SPTA1: variants seen among roughly 807,000 people sequenced by gnomAD.
SPTA1 encodes spectrin alpha chain, erythrocytic 1.
In SPTA1, 177 loss-of-function variants were observed where a neutral mutation model predicts 324.7. The observed-to-expected ratio is 0.55, with a 90% CI of 0.48 to 0.62. SPTA1 has a LOEUF of 0.62. Among genes scored for constraint, SPTA1 ranks in the 20% least tolerant of loss-of-function variants. The pLI is 0.00. For missense variants in SPTA1, 3,162 were observed against 2,883.6 expected, an observed-to-expected ratio of 1.10 and a Z score of -2.21; for synonymous variants, 1,195 against 1,041.3, an observed-to-expected ratio of 1.15 and a Z score of -2.84.
At chr1:158,671,597 T>C (rs1354161235) in intron 11 of SPTA1, 144 bp from the exon 12 acceptor site, 11 of 708,996 alleles carry the variant, frequency 1.6e-5, no homozygotes, top group Non-Finnish European at 2.5e-5. Flanking sequence ...AAATTAACTT[T>C]AAACAGCAGG....
chr1:158,655,320 T>C lies in SPTA1; in HGVS notation c.2899-572A>G, dbSNP rs145652762. ...TCATTAAAAGTATCTTGTGTCTCAGTTTAGTAAGCAGCCTGCATTCTAAGG... is the reference window on the plus strand; with the variant it reads ...TCATTAAAAGTATCTTGTGTCTCAGCTTAGTAAGCAGCCTGCATTCTAAGG... On this transcript the variant is annotated intron_variant, in intron 20 of 51. Transcript: ENST00000643759. 6.7e-3 allele frequency among the ~76,000 whole-genome samples: 929 copies of C among 138,898 alleles called. 13 individuals are homozygous for C. The highest frequency in any genetic ancestry group is 0.031 in the African/African-American group (897 of 29,034). 91.1% of individuals were successfully genotyped at this position (138,898 alleles called of 152,430 possible).
chr1:158,653,373 T>C lies in SPTA1; in HGVS notation c.3089A>G (p.Tyr1030Cys). The C allele has an allele frequency of 6.2e-7, 1 of 1,614,134 alleles. No homozygotes were observed. The highest frequency in any genetic ancestry group is 8.5e-7 in the Non-Finnish European group (1 of 1,180,024). ...ADHQGIVPAV[Y>C]VRRLAHDEFP... ...CTCATCGTGGGCCAGTCTTCTGACA[T>C]AGACAGCTGGGACAATGCCCTGATG... Residue 1030 changes from tyrosine (Y) to cysteine (C), a missense_variant, in exon 22 of 52, where the codon TAT becomes TGT. Tyr to Cys is a radical substitution (Grantham distance 194, BLOSUM62 -2). Coordinates refer to ENST00000643759, the MANE Select transcript of SPTA1 (RefSeq NM_003126.4).
chr1:158,644,711 A>G lies in SPTA1; in HGVS notation c.4195-315T>C, dbSNP rs540264558. On this transcript the variant is annotated intron_variant, in intron 29 of 51. Transcript: ENST00000643759. ...CTTCAGGGTAGCCTGTGACACAACC[A>G]CTTACTTCCCCCAAAAGCTTTAATC... Among the ~76,000 whole-genome samples, 61 of 152,282 alleles carry G rather than the reference A, an allele frequency of 4.0e-4. No individual in the cohort carries two copies. The East Asian group carries it at 0.012, about 29-fold the overall frequency.
intron 50 of SPTA1, 43 bp from the exon 51 acceptor site, chr1:158,613,004 A>G: frequency 6.2e-7 from 1 of 1,607,368 alleles, no homozygotes; most frequent in Admixed American, 1.7e-5. Context: ...CTCAAGGCAG[A>G]GAAGGAAGTC....
intron 7 of SPTA1, 25 bp downstream of exon 7, chr1:158,677,665 A>G (rs1172364055): frequency 1.2e-6 from 2 of 1,612,530 alleles, no homozygotes. Flanking sequence ...TCAACGGGTT[A>G]GCCATTTCTC....
chr1:158,683,271 G>A (rs1171344187), intron 3 of SPTA1, 100 bp downstream of exon 3: 3 of 1,558,828 alleles, frequency 1.9e-6, no homozygotes, highest in African/African-American at 2.7e-5. Flanking sequence ...GGAGTCCTGG[G>A]TATAAGCCAG....
Position 158,627,701 on chromosome 1 carries a change from G to T in SPTA1, c.5588C>A (p.Ala1863Asp), listed in dbSNP as rs574362588. The T allele has an allele frequency of 8.7e-6, 14 of 1,612,796 alleles. No individual in the cohort carries two copies. In the South Asian group the frequency reaches 1.2e-4, roughly 14 times the overall value. ...ATQSLLMKHE[A>D]LENDFAVHET... ...ATGGACAGCAAAGTCATTTTCCAAA[G>T]CTTCATGCTTCATTAGCAAGCTCTG... The change falls in exon 40 of 52, where the codon GCT becomes GAT. Residue 1863 changes from alanine to aspartate, a missense_variant. Coordinates refer to ENST00000643759, the MANE Select transcript of SPTA1 (RefSeq NM_003126.4).
chr1:158,641,559 A>G (rs1366070443), intron 33 of SPTA1, among the ~76,000 whole-genome samples: 1 of 152,268 alleles, frequency 6.6e-6, no homozygotes, highest in Non-Finnish European at 1.5e-5. Flanking sequence ...ACATGAAAAA[A>G]TGCTCATCAT....
At chr1:158,626,023 A>G in intron 42 of SPTA1, 123 bp downstream of exon 42, 1 of 757,386 alleles carries the variant, frequency 1.3e-6, no homozygotes, top group Non-Finnish European at 2.2e-6. Flanking sequence ...ATTAATATTA[A>G]GAAGGGAAAA....
chr1:158,639,450 A>C (rs911758784), intron 35 of SPTA1, 132 bp downstream of exon 35: 2 of 880,630 alleles, frequency 2.3e-6, no homozygotes, highest in African/African-American at 3.3e-5. Flanking sequence ...CCTAATTAAA[A>C]TGACTGCTGG....
rs2101739988 is a variant in SPTA1 at position 158,610,944 on chromosome 1, C to T, written c.*320G>A. 1.6e-5 allele frequency: 4 copies of T among 252,838 alleles called. No homozygotes were observed. The highest frequency in any genetic ancestry group is 1.4e-3 in the Middle Eastern group (1 of 700). 15.7% of individuals were successfully genotyped at this position (252,838 alleles called of 1,614,324 possible). On this transcript the variant is annotated 3_prime_UTR_variant, in exon 52 of 52. Coordinates refer to ENST00000643759, the MANE Select transcript of SPTA1 (RefSeq NM_003126.4). ...AAAAAGAATTACTTTATTCTATAATCGGAATAAAGCAAAATGATAAAGACG... is the reference window on the plus strand; with the variant it reads ...AAAAAGAATTACTTTATTCTATAATTGGAATAAAGCAAAATGATAAAGACG...
intron 33 of SPTA1, among the ~76,000 whole-genome samples, chr1:158,640,333 G>A (rs995182328): frequency 6.6e-6 from 1 of 152,148 alleles, no homozygotes; most frequent in Non-Finnish European, 1.5e-5. Flanking sequence ...AGTGTTCCAG[G>A]TACTGAGTAT....
chr1:158,667,847 CT>C lies in SPTA1; in HGVS notation c.2038+10del, dbSNP rs1279726129. 6.2e-7 allele frequency: 1 copy of C among 1,613,372 alleles called. No homozygotes were observed. The highest frequency in any genetic ancestry group is 8.5e-7 in the Non-Finnish European group (1 of 1,179,760). ...AGAAAATGACCTTTCACCAAAACCT[CT>C]GCTTTTTACCTTTCTGTTTTGTAGC... On this transcript the variant is annotated intron_variant, in intron 15 of 51. Transcript: ENST00000643759.
intron 39 of SPTA1, among the ~76,000 whole-genome samples, chr1:158,632,920 C>T (rs1415015531): frequency 1.3e-5 from 2 of 152,114 alleles, no homozygotes; most frequent in African/African-American, 4.8e-5. Flanking sequence ...AAAGTGGAAA[C>T]AGCCCAGACT....
At chr1:158,665,181 T>C (rs1653503312) in intron 16 of SPTA1, among the ~76,000 whole-genome samples, 2 of 152,194 alleles carry the variant, frequency 1.3e-5, no homozygotes, top group African/African-American at 4.8e-5. Context: ...CAAGATGTCC[T>C]TTTTTGTTTG....
chr1:158,673,278 G>A (rs953996691), intron 10 of SPTA1, among the ~76,000 whole-genome samples: 10 of 152,218 alleles, frequency 6.6e-5, no homozygotes, highest in Middle Eastern at 3.4e-3. Context: ...TTCAAAACTC[G>A]GTTATCTCAA....
At chr1:158,622,117 C>T (rs956954244) in intron 43 of SPTA1, among the ~76,000 whole-genome samples, 5 of 152,158 alleles carry the variant, frequency 3.3e-5, no homozygotes, top group African/African-American at 4.8e-5. Context: ...ACCTGCCTTG[C>T]CCTACCAAAG....
chr1:158,649,207 T>G (rs548332272), intron 25 of SPTA1, among the ~76,000 whole-genome samples: 4 of 152,226 alleles, frequency 2.6e-5, no homozygotes, highest in African/African-American at 4.8e-5. Flanking sequence ...TGATGTCTGT[T>G]GCCCTCTACT....
chr1:158,627,147 A>G, intron 40 of SPTA1, 140 bp from the exon 41 acceptor site: 1 of 1,092,284 alleles, frequency 9.2e-7, no homozygotes, highest in Non-Finnish European at 1.4e-6. Context: ...GTAAGTTTCT[A>G]GGAGGTAGGG....
Sources: gnomAD v4.1 joint callset for allele counts (sites outside exome capture counted in the v4.1 genomes callset) on GRCh38, gnomAD v4.1.1 for gene constraint, MANE v1.5 for transcripts, NCBI Gene and HGNC (gene_info 2026-07-23, HGNC 2026-07-21) for gene names.